LYZL2: variants seen among roughly 807,000 people sequenced by gnomAD.
LYZL2 encodes the protein lysozyme like 2.
LYZL2 carries 13 observed loss-of-function variants against 17.1 expected under a neutral mutation model. That is an observed-to-expected ratio of 0.76 (90% confidence interval 0.49 to 1.21). LYZL2 has a LOEUF of 1.21. LYZL2 is among the 50% of genes most tolerant of loss of function. The pLI, the probability that LYZL2 is intolerant of heterozygous loss-of-function variation, is 0.00. For missense variants in LYZL2, 166 were observed against 189.2 expected (o/e 0.88, Z 0.72); for synonymous variants, 63 against 74.4 (o/e 0.85, Z 0.79).
chr10:30,626,921 A>C lies in LYZL2; in HGVS notation c.-6T>G. ...AGAATGCCCGCAGCCTTCATCCTCA[A>C]AGCCTGCCGGAGACAGAACCTGCCA... On this transcript the variant is annotated 5_prime_UTR_variant, in exon 2 of 5. Transcript: ENST00000647634. 6.2e-7 allele frequency: 1 copy of C among 1,613,076 alleles called. No homozygotes were observed. Among genetic ancestry groups the C allele is most frequent in the Non-Finnish European group, 8.5e-7 (1 of 1,179,486 alleles).
chr10:30,622,503 C>T (rs111231569), intron 3 of LYZL2, among the ~76,000 whole-genome samples: 17,192 of 151,882 alleles, frequency 0.11, 1,041 homozygotes, highest in South Asian at 0.18. Flanking sequence ...GAGCCAAGAT[C>T]GCGCCACTGT....
At chr10:30,609,551 T>C (rs1838409841), downstream of LYZL2, among the ~76,000 whole-genome samples, 1 of 152,174 alleles carries the variant, frequency 6.6e-6, no homozygotes, top group Non-Finnish European at 1.5e-5. Context: ...ATGCTGGAGA[T>C]AGCAGGGGCT....
At position 30,619,153 on chromosome 10, in the gene LYZL2, C is replaced by T. The variant is rs189239733; in HGVS notation, c.299-6253G>A. On this transcript the variant is annotated intron_variant, in intron 3 of 4. Coordinates refer to ENST00000647634, the MANE Select transcript of LYZL2 (RefSeq NM_183058.3). The stretch of plus-strand genomic sequence containing the variant: ...TACCATCTCACATCAGTTAGAATGG[C>T]CATTATTAAAAAGTCAGGAAACAAC... Among the ~76,000 whole-genome samples, 333 of 152,214 alleles carry T rather than the reference C, an allele frequency of 2.2e-3. 1 individual carries two copies. Among genetic ancestry groups the T allele is most frequent in the Non-Finnish European group, 3.8e-3 (260 of 68,004 alleles).
intron 3 of LYZL2, among the ~76,000 whole-genome samples, chr10:30,613,822 A>G (rs535543787): frequency 7.2e-5 from 11 of 152,130 alleles, no homozygotes; most frequent in African/African-American, 2.6e-4. Flanking sequence ...CTCAAGCAAT[A>G]CTTCCACCTC....
chr10:30,620,612 T>C (rs1838604955), intron 3 of LYZL2, among the ~76,000 whole-genome samples: 1 of 152,154 alleles, frequency 6.6e-6, no homozygotes, highest in South Asian at 2.1e-4. Flanking sequence ...TAAAAAATTA[T>C]TCCATGCGCA....
Position 30,612,885 on chromosome 10 carries a change from T to A in LYZL2, c.314A>T (p.Asp105Val), listed in dbSNP as rs1168485135. 2 of 1,613,770 alleles carry A rather than the reference T, an allele frequency of 1.2e-6. No individual in the cohort carries two copies. The highest frequency in any genetic ancestry group is 1.7e-6 in the Non-Finnish European group (2 of 1,179,788). Residue 105 changes from aspartate to valine, a missense_variant, in exon 4 of 5, where the codon GAC (aspartate) becomes GTC (valine). This residue lies in a region of LYZL2 where 134 missense variants were observed against 129.4 expected (regional missense o/e 1.04). Transcript: ENST00000647634. Reference protein sequence around the residue: ...HVACSALVTDDLTDAIICAKK... With the variant: ...HVACSALVTDVLTDAIICAKK... Reference sequence around the variant, plus strand: ...GGCACAGATAATCGCATCTGTGAGGTCATCAGTGACCAAGGCTGTAAAAAG... The same window carrying A: ...GGCACAGATAATCGCATCTGTGAGGACATCAGTGACCAAGGCTGTAAAAAG...
intron 3 of LYZL2, among the ~76,000 whole-genome samples, chr10:30,621,512 A>G (rs1440288528): frequency 6.6e-6 from 1 of 152,008 alleles, no homozygotes; most frequent in African/African-American, 2.4e-5. Flanking sequence ...TGAGTCCAGG[A>G]GGTCAAGGCT....
intron 3 of LYZL2, among the ~76,000 whole-genome samples, chr10:30,623,208 T>C (rs1367358205): frequency 1.3e-5 from 2 of 152,222 alleles, no homozygotes; most frequent in Admixed American, 6.5e-5. Context: ...AATTTCAATA[T>C]GTATTTCTCA....
intron 3 of LYZL2, among the ~76,000 whole-genome samples, chr10:30,619,578 C>CA (rs1289138060): frequency 1.4e-5 from 2 of 146,242 alleles, no homozygotes; most frequent in South Asian, 2.2e-4. Flanking sequence ...ATCACAAGGA[C>CA]AAAAAACCAA....
chr10:30,619,952 G>A (rs1564408557), intron 3 of LYZL2, among the ~76,000 whole-genome samples: 1 of 152,034 alleles, frequency 6.6e-6, no homozygotes, highest in Non-Finnish European at 1.5e-5. Context: ...CTGCAAAAAG[G>A]AAATATTTCT....
Position 30,612,889 on chromosome 10 carries a change from C to A in LYZL2, c.310G>T (p.Asp104Tyr). 1 of 1,613,830 alleles carries A rather than the reference C, an allele frequency of 6.2e-7. No individual in the cohort carries two copies. Among genetic ancestry groups the A allele is most frequent in the South Asian group, 1.1e-5 (1 of 91,062 alleles). The change falls in exon 4 of 5, where the codon GAT becomes TAT. Residue 104 changes from aspartate (D) to tyrosine (Y), a missense_variant. Asp to Tyr is a radical substitution (Grantham distance 160). Coordinates refer to ENST00000647634, the MANE Select transcript of LYZL2 (RefSeq NM_183058.3). ...CAGATAATCGCATCTGTGAGGTCATCAGTGACCAAGGCTGTAAAAAGAGAG... is the reference window on the plus strand; with the variant it reads ...CAGATAATCGCATCTGTGAGGTCATAAGTGACCAAGGCTGTAAAAAGAGAG... ...CHVACSALVTDDLTDAIICAK... is the reference protein window; with the variant it reads ...CHVACSALVTYDLTDAIICAK...
chr10:30,615,094 G>A (rs1838506367), intron 3 of LYZL2, among the ~76,000 whole-genome samples: 1 of 152,134 alleles, frequency 6.6e-6, no homozygotes, highest in South Asian at 2.1e-4. Context: ...ATTGGCTAAT[G>A]CCAATATGGC....
the LYZL2 span, among the ~76,000 whole-genome samples, chr10:30,606,549 G>A: frequency 0.51 from 77,455 of 151,726 alleles, 20,324 homozygotes; most frequent in Middle Eastern, 0.59. Context: ...TTAAAAGCCT[G>A]GTTTGTGCCA....
At chr10:30,606,785 G>C (rs117170055), downstream of LYZL2, among the ~76,000 whole-genome samples, 1 of 152,042 alleles carries the variant, frequency 6.6e-6, no homozygotes, top group Non-Finnish European at 1.5e-5. Flanking sequence ...AGGGACAGAG[G>C]ACCTGGAGCT....
Position 30,626,931 on chromosome 10 carries a change from G to A in LYZL2, c.-16C>T. On this transcript the variant is annotated 5_prime_UTR_variant, in exon 2 of 5. Transcript: ENST00000647634. ...CAGCCTTCATCCTCAAAGCCTGCCGGAGACAGAACCTGCCAAAGAGCCGGA... is the reference window on the plus strand; with the variant it reads ...CAGCCTTCATCCTCAAAGCCTGCCGAAGACAGAACCTGCCAAAGAGCCGGA... 1.9e-6 allele frequency: 3 copies of A among 1,612,710 alleles called. No individual in the cohort carries two copies. The highest frequency in any genetic ancestry group is 2.5e-6 in the Non-Finnish European group (3 of 1,179,372).
chr10:30,619,401 A>G (rs151048955), intron 3 of LYZL2, among the ~76,000 whole-genome samples: 8,002 of 152,274 alleles, frequency 0.053, 384 homozygotes, highest in African/African-American at 0.13. Flanking sequence ...AGCACTATTC[A>G]CAATAGTAAA....
chr10:30,611,426 G>A (rs1257235359), downstream of LYZL2, among the ~76,000 whole-genome samples: 1 of 150,184 alleles, frequency 6.7e-6, no homozygotes, highest in Non-Finnish European at 1.5e-5. Flanking sequence ...TTGAACCCGG[G>A]AGGTGGAGGT....
intron 3 of LYZL2, among the ~76,000 whole-genome samples, chr10:30,617,965 A>T (rs975379737): frequency 6.6e-6 from 1 of 152,028 alleles, no homozygotes; most frequent in African/African-American, 2.4e-5. Context: ...CTGATAAGCA[A>T]CTTCAGCAAA....
chr10:30,610,734 G>T (rs1368479899), downstream of LYZL2, among the ~76,000 whole-genome samples: 1 of 151,724 alleles, frequency 6.6e-6, no homozygotes, highest in Non-Finnish European at 1.5e-5. Flanking sequence ...TGCCTCACTG[G>T]AAGTCTTATT....
Sources: gnomAD v4.1 joint callset for allele counts (sites outside exome capture counted in the v4.1 genomes callset) on GRCh38, gnomAD v4.1.1 for gene constraint, gnomAD v4.1.1 regional missense constraint, MANE v1.5 for transcripts, NCBI Gene and HGNC (gene_info 2026-07-23, HGNC 2026-07-21) for gene names.